TDRD5: variants seen among roughly 807,000 people sequenced by gnomAD.
TDRD5 encodes the protein tudor domain containing 5, also known as tudor domain-containing protein 5.
In TDRD5, 41 loss-of-function variants were observed where a neutral mutation model predicts 120.6. The observed-to-expected ratio is 0.34, with a 90% CI of 0.26 to 0.44. TDRD5 has a LOEUF of 0.44. Ranked by LOEUF, TDRD5 falls within the 20% of genes least tolerant of loss-of-function variation. The probability of loss-of-function intolerance (pLI) is 1.00; values close to 1 mark genes in which losing one functional copy is unlikely to be tolerated. For synonymous variants in TDRD5, 430 were observed against 433.7 expected, an observed-to-expected ratio of 0.99 and a Z score of 0.11; for missense variants, 1,006 against 1,221.2, an observed-to-expected ratio of 0.82 and a Z score of 2.63.
At position 179,611,406 on chromosome 1, in the gene TDRD5, A is replaced by G. The variant is rs781312446; in HGVS notation, c.832-7193A>G. Among the ~76,000 whole-genome samples the G allele has an allele frequency of 7.2e-5, 11 of 152,106 alleles. 1 individual carries two copies. The highest frequency in any genetic ancestry group is 1.6e-4 in the Non-Finnish European group (11 of 67,994). The stretch of plus-strand genomic sequence containing the variant: ...CTCTAAGTGTTCATGGTTCAGAAAG[A>G]AAGAAATTGACTATTAAATATTATT... On this transcript the variant is annotated intron_variant, in intron 4 of 17. Transcript: ENST00000444136.
chr1:179,599,090 T>C (rs1675556642), intron 4 of TDRD5, among the ~76,000 whole-genome samples: 1 of 152,274 alleles, frequency 6.6e-6, no homozygotes, highest in East Asian at 1.9e-4. Flanking sequence ...AATTTTGTCA[T>C]GTTCTTTCTC....
At chr1:179,673,942 G>A (rs1400382810) in intron 17 of TDRD5, among the ~76,000 whole-genome samples, 1 of 152,164 alleles carries the variant, frequency 6.6e-6, no homozygotes, top group Non-Finnish European at 1.5e-5. Flanking sequence ...AGTTCTAGGA[G>A]CTTTTTGGAT....
chr1:179,666,233 C>G (rs78522826), intron 16 of TDRD5, among the ~76,000 whole-genome samples: 2 of 152,164 alleles, frequency 1.3e-5, no homozygotes, highest in Non-Finnish European at 2.9e-5. Context: ...TAAACACATA[C>G]ATGAGAACAT....
intron 17 of TDRD5, among the ~76,000 whole-genome samples, chr1:179,681,938 CTTT>C (rs796836225): frequency 7.0e-5 from 1 of 14,196 alleles, no homozygotes; most frequent in Non-Finnish European, 1.7e-4. Context: ...TTTTCTTTTT[CTTT>C]TTTTTTTTTT....
intron 4 of TDRD5, among the ~76,000 whole-genome samples, chr1:179,609,090 T>G (rs1399171718): frequency 2.6e-5 from 4 of 152,020 alleles, no homozygotes; most frequent in African/African-American, 9.7e-5. Context: ...GAGAGTTTGC[T>G]CTCTCCACGG....
intron 4 of TDRD5, among the ~76,000 whole-genome samples, chr1:179,604,360 G>T (rs1335222539): frequency 2.0e-5 from 3 of 151,228 alleles, no homozygotes; most frequent in East Asian, 1.9e-4. Context: ...GTATTTTTTT[G>T]TTGTTGTTAA....
At chr1:179,598,575 C>T (rs571929843) in intron 4 of TDRD5, among the ~76,000 whole-genome samples, 8 of 152,038 alleles carry the variant, frequency 5.3e-5, no homozygotes, top group Non-Finnish European at 7.4e-5. Context: ...ATAAAGCTTG[C>T]GCATATTTTG....
At chr1:179,634,688 G>T in intron 8 of TDRD5, 59 bp downstream of exon 8, 11 of 1,505,366 alleles carry the variant, frequency 7.3e-6, no homozygotes, top group Non-Finnish European at 9.7e-6. Context: ...GTAAATGAAT[G>T]TGTGTTTCTT....
intron 6 of TDRD5, among the ~76,000 whole-genome samples, chr1:179,628,496 G>A (rs1677262259): frequency 6.7e-6 from 1 of 149,868 alleles, no homozygotes; most frequent in South Asian, 2.1e-4. Context: ...TGTAGAGGCA[G>A]AGTCTCATTA....
chr1:179,611,889 CTTGT>C (rs768670530), intron 4 of TDRD5, among the ~76,000 whole-genome samples: 2 of 152,260 alleles, frequency 1.3e-5, no homozygotes, highest in Middle Eastern at 6.8e-3. Context: ...CAATTTAAAT[CTTGT>C]TCTGAGAGGG....
rs147178825 is a variant in TDRD5 at position 179,663,440 on chromosome 1, A to G, written c.2598A>G (p.Pro866=). 1.9e-6 allele frequency: 3 copies of G among 1,613,722 alleles called. No homozygotes were observed. The African/African-American group carries it at 4.0e-5, about 22-fold the overall frequency. The change falls in exon 16 of 18, where the codon CCA becomes CCG. Residue 866 remains proline (P), a synonymous_variant. Coordinates refer to ENST00000444136, the MANE Select transcript of TDRD5 (RefSeq NM_001199085.3). ...GAACGAAAGTAGAAGTTCATAAGCCAGAAGTACTGGGTGCTCAGGAAAAAA... is the reference window on the plus strand; with the variant it reads ...GAACGAAAGTAGAAGTTCATAAGCCGGAAGTACTGGGTGCTCAGGAAAAAA... ...VNGTKVEVHK[P]EVLGAQEKNT...
At chr1:179,618,861 A>T (rs1211173911) in intron 5 of TDRD5, among the ~76,000 whole-genome samples, 179 bp downstream of exon 5, 3 of 152,328 alleles carry the variant, frequency 2.0e-5, no homozygotes, top group South Asian at 4.1e-4. Context: ...AAAATTTTTA[A>T]CATAAAACTA....
intron 9 of TDRD5, among the ~76,000 whole-genome samples, chr1:179,636,573 A>G (rs1369814319): frequency 6.6e-6 from 1 of 152,248 alleles, no homozygotes; most frequent in Non-Finnish European, 1.5e-5. Context: ...GATTCAAACT[A>G]TCCCTGAATG....
At chr1:179,621,215 T>C in intron 6 of TDRD5, 124 bp downstream of exon 6, 1 of 739,196 alleles carries the variant, frequency 1.4e-6, no homozygotes, top group South Asian at 2.8e-5. Context: ...CATTTTGTTT[T>C]GCATTTTAGT....
intron 17 of TDRD5, among the ~76,000 whole-genome samples, chr1:179,671,092 A>G (rs1319811211): frequency 1.3e-5 from 2 of 152,186 alleles, no homozygotes; most frequent in South Asian, 2.1e-4. Context: ...TTCCAGCACC[A>G]TTTGTTGAAA....
chr1:179,610,606 C>T (rs546566604), intron 4 of TDRD5, among the ~76,000 whole-genome samples: 14 of 152,206 alleles, frequency 9.2e-5, no homozygotes, highest in African/African-American at 3.4e-4. Context: ...ACTCAAATGT[C>T]AATCCTTGAA....
chr1:179,607,536 TA>T (rs1361284145), intron 4 of TDRD5, among the ~76,000 whole-genome samples: 1 of 152,052 alleles, frequency 6.6e-6, no homozygotes, highest in Non-Finnish European at 1.5e-5. Flanking sequence ...TTATCTTTTT[TA>T]TTATCTATAT....
intron 14 of TDRD5, among the ~76,000 whole-genome samples, chr1:179,655,605 A>G (rs1441762273): frequency 6.6e-6 from 1 of 152,160 alleles, no homozygotes; most frequent in Non-Finnish European, 1.5e-5. Context: ...TTGTAATCAC[A>G]GTCTCCCCAC....
At chr1:179,648,794 A>T (rs1006597693) in intron 11 of TDRD5, among the ~76,000 whole-genome samples, 3 of 152,156 alleles carry the variant, frequency 2.0e-5, no homozygotes, top group African/African-American at 7.2e-5. Flanking sequence ...ACAATAAAAA[A>T]AATAATGTCA....
Sources: gnomAD v4.1 joint callset for allele counts (sites outside exome capture counted in the v4.1 genomes callset) on GRCh38, gnomAD v4.1.1 for gene constraint, MANE v1.5 for transcripts, NCBI Gene and HGNC (gene_info 2026-07-23, HGNC 2026-07-21) for gene names.